The following NRXN1 variants were observed in gnomAD, a reference collection of about 807,000 sequenced individuals.
NRXN1 encodes the protein neurexin-1.
NRXN1 carries 39 observed loss-of-function variants against 150.9 expected under a neutral mutation model. That is an observed-to-expected ratio of 0.26 (90% CI 0.20 to 0.34). The LOEUF (loss-of-function observed/expected upper bound fraction) is 0.34. Ranked by LOEUF, NRXN1 falls within the 10% of genes least tolerant of loss-of-function variation. NRXN1 has a pLI of 1.00. For synonymous variants in NRXN1, 924 were observed against 757.0 expected, an observed-to-expected ratio of 1.22 and a Z score of -3.62; for missense variants, 1,815 against 1,949.9, an observed-to-expected ratio of 0.93 and a Z score of 1.30.
At chr2:50,900,396 G>C (rs62140646) in intron 5 of NRXN1, among the ~76,000 whole-genome samples, 12,274 of 152,166 alleles carry the variant, frequency 0.081, 607 homozygotes, top group South Asian at 0.11. Flanking sequence ...TATGTACTTG[G>C]GATCAGCCTC....
intron 18 of NRXN1, among the ~76,000 whole-genome samples, chr2:50,139,782 C>T (rs1334744556): frequency 2.0e-5 from 3 of 151,894 alleles, no homozygotes; most frequent in African/African-American, 7.3e-5. Flanking sequence ...ACTAAGGAAA[C>T]ATTTATAAGA....
At chr2:50,128,878 A>G (rs10865244) in intron 18 of NRXN1, among the ~76,000 whole-genome samples, 105,457 of 151,378 alleles carry the variant, frequency 0.7, 37,371 homozygotes, top group African/African-American at 0.81. Flanking sequence ...AGCTACTCAG[A>G]GGGCCAAGGC....
At chr2:50,283,740 G>A (rs575527009) in intron 17 of NRXN1, among the ~76,000 whole-genome samples, 1 of 152,080 alleles carries the variant, frequency 6.6e-6, no homozygotes, top group South Asian at 2.1e-4. Context: ...TTTAATATAT[G>A]CTCTGACTGT....
At chr2:50,624,257 A>T (rs1184162456) in intron 5 of NRXN1, among the ~76,000 whole-genome samples, 1 of 152,138 alleles carries the variant, frequency 6.6e-6, no homozygotes, top group Non-Finnish European at 1.5e-5. Flanking sequence ...CAACTGCAGT[A>T]GCTAAAGCTG....
intron 18 of NRXN1, among the ~76,000 whole-genome samples, chr2:50,100,109 T>G (rs1700796589): frequency 6.6e-6 from 1 of 152,150 alleles, no homozygotes; most frequent in South Asian, 2.1e-4. Context: ...AGAAAAACTC[T>G]AAGATTTTAT....
At chr2:50,247,563 A>G (rs1213263895) in intron 17 of NRXN1, among the ~76,000 whole-genome samples, 1 of 152,148 alleles carries the variant, frequency 6.6e-6, no homozygotes, top group Non-Finnish European at 1.5e-5. Context: ...TTAGTTTTCC[A>G]AAAATGCATA....
chr2:50,212,571 T>C (rs1287640652), intron 18 of NRXN1, among the ~76,000 whole-genome samples: 1 of 152,006 alleles, frequency 6.6e-6, no homozygotes, highest in Admixed American at 6.6e-5. Context: ...TTGTCATTTA[T>C]ATGTTTATTT....
At chr2:50,329,333 G>A (rs187290961) in intron 17 of NRXN1, among the ~76,000 whole-genome samples, 300 of 151,620 alleles carry the variant, frequency 2.0e-3, no homozygotes, top group African/African-American at 6.9e-3. Flanking sequence ...TTAAAACAGT[G>A]TAAAACAGTT....
At chr2:50,788,173 G>A (rs1186484847) in intron 5 of NRXN1, among the ~76,000 whole-genome samples, 5 of 150,806 alleles carry the variant, frequency 3.3e-5, no homozygotes, top group African/African-American at 4.9e-5. Flanking sequence ...TGTGAGCTCC[G>A]CCTCCTGGGT....
intron 17 of NRXN1, among the ~76,000 whole-genome samples, chr2:50,243,961 C>A (rs545024034): frequency 6.6e-6 from 1 of 151,806 alleles, no homozygotes; most frequent in Admixed American, 6.6e-5. Flanking sequence ...GGTCAAGAAT[C>A]ATTTCTCTCA....
At chr2:50,971,455 C>T (rs1251280606) in intron 2 of NRXN1, among the ~76,000 whole-genome samples, 3 of 151,896 alleles carry the variant, frequency 2.0e-5, no homozygotes, top group Admixed American at 2.0e-4. Context: ...TGCTGGCAGG[C>T]ACTTGTAATC....
At chr2:50,844,155 G>A (rs1448340011) in intron 5 of NRXN1, among the ~76,000 whole-genome samples, 1 of 152,110 alleles carries the variant, frequency 6.6e-6, no homozygotes, top group Non-Finnish European at 1.5e-5. Flanking sequence ...TGTCTGGTGA[G>A]CAGGCACATC....
At chr2:50,429,194 T>C (rs1011439287) in intron 17 of NRXN1, among the ~76,000 whole-genome samples, 3 of 152,148 alleles carry the variant, frequency 2.0e-5, no homozygotes, top group African/African-American at 7.2e-5. Context: ...GAGAGGTTGT[T>C]AAAAGTATAT....
rs1686799097 is a variant in NRXN1, at chr2:50,658,382, G to A, written c.833-34767C>T. On this transcript the variant is annotated intron_variant, in intron 5 of 22. Coordinates refer to ENST00000401669, the MANE Select transcript of NRXN1 (RefSeq NM_001330078.2). ...TTGATCTCTTTAGTGTAAACTCAAT[G>A]TTTTTAATTTACAGGAAATGCATTC... Among the ~76,000 whole-genome samples the A allele has an allele frequency of 2.1e-5, 3 of 140,982 alleles. No homozygotes were observed. The Admixed American group carries it at 2.2e-4, about 10-fold the overall frequency. 92.5% of individuals were successfully genotyped at this position (140,982 alleles called of 152,430 possible).
At chr2:50,158,003 A>AT (rs2059128850) in intron 18 of NRXN1, among the ~76,000 whole-genome samples, 2 of 151,138 alleles carry the variant, frequency 1.3e-5, no homozygotes. Flanking sequence ...GAGGGCAATT[A>AT]TAAAAAAAAA....
intron 5 of NRXN1, among the ~76,000 whole-genome samples, chr2:50,861,567 A>G (rs1346041661): frequency 6.6e-6 from 1 of 152,046 alleles, no homozygotes; most frequent in African/African-American, 2.4e-5. Flanking sequence ...GGATGCTGCA[A>G]TCTCTATTCT....
rs115975947 is a variant in NRXN1 at position 50,420,781 on chromosome 2, C to A, written c.3364+44661G>T. On this transcript the variant is annotated intron_variant, in intron 17 of 22. Transcript: ENST00000401669. ...CTGGTAAGAATTCTCAACCATATAACCTTGGTCTGTGTTTTGCTGTGGTAA... is the reference window on the plus strand; with the variant it reads ...CTGGTAAGAATTCTCAACCATATAAACTTGGTCTGTGTTTTGCTGTGGTAA... Among the ~76,000 whole-genome samples the A allele has an allele frequency of 9.0e-3, 1,368 of 152,028 alleles. 16 individuals are homozygous for A. The highest frequency in any genetic ancestry group is 0.015 in the Non-Finnish European group (1,020 of 67,932).
chr2:50,001,920 A>G, intron 21 of NRXN1, among the ~76,000 whole-genome samples: 1 of 152,048 alleles, frequency 6.6e-6, no homozygotes, highest in East Asian at 1.9e-4. Flanking sequence ...AAGGAGTGCC[A>G]GACTCTCCTG....
At chr2:50,693,571 C>G (rs1200221604) in intron 5 of NRXN1, among the ~76,000 whole-genome samples, 1 of 152,200 alleles carries the variant, frequency 6.6e-6, no homozygotes, top group East Asian at 1.9e-4. Context: ...AACTGCACTA[C>G]TGAAATAAAT....
Sources: allele counts gnomAD v4.1 joint callset (sites outside exome capture counted in the v4.1 genomes callset), GRCh38; gene constraint gnomAD v4.1.1; transcripts MANE v1.5; gene names NCBI Gene and HGNC (gene_info 2026-07-23, HGNC 2026-07-21).